UGT2B11: variants seen among roughly 807,000 people sequenced by gnomAD.
The protein encoded by UGT2B11 is UDP glucuronosyltransferase family 2 member B11.
A neutral mutation model predicts 51.7 loss-of-function variants in UGT2B11; 49 were observed. The observed-to-expected ratio is 0.95, with a 90% CI of 0.75 to 1.20. The LOEUF (loss-of-function observed/expected upper bound fraction) is 1.20, where lower values mean the gene tolerates loss of function less well. Ranked by LOEUF, UGT2B11 falls within the 50% of genes most tolerant of loss-of-function variation. The pLI, the probability that UGT2B11 is intolerant of heterozygous loss-of-function variation, is 0.00. For missense variants in UGT2B11, 810 were observed against 622.1 expected, an observed-to-expected ratio of 1.30 and a Z score of -3.21; for synonymous variants, 273 against 209.0, an observed-to-expected ratio of 1.31 and a Z score of -2.64.
At chr4:69,208,024 A>C (rs575090137) in intron 3 of UGT2B11, among the ~76,000 whole-genome samples, 7 of 151,758 alleles carry the variant, frequency 4.6e-5, no homozygotes, top group East Asian at 2.0e-4. Context: ...TAATTTCAGC[A>C]GTATGTATGA....
upstream of UGT2B11, chr4:69,216,099 A>C (rs535277952): frequency 6.6e-6 from 1 of 152,132 alleles, no homozygotes; most frequent in Non-Finnish European, 1.5e-5. Context: ...ACATACTGCC[A>C]GTTGTAAATG....
At chr4:69,217,075 A>T (rs1041231813), upstream of UGT2B11, among the ~76,000 whole-genome samples, 5 of 152,144 alleles carry the variant, frequency 3.3e-5, no homozygotes, top group African/African-American at 4.8e-5. Context: ...GTACAATTAC[A>T]GTTACTTTGC....
At chr4:69,216,680 A>G (rs1560543055), upstream of UGT2B11, 1 of 151,742 alleles carries the variant, frequency 6.6e-6, no homozygotes, top group Non-Finnish European at 1.5e-5. Flanking sequence ...CTAACTTGGT[A>G]CATATCAATA....
At chr4:69,206,178 T>C (rs1430127597) in intron 3 of UGT2B11, among the ~76,000 whole-genome samples, 1 of 151,462 alleles carries the variant, frequency 6.6e-6, no homozygotes, top group East Asian at 2.0e-4. Context: ...TGAAAATATA[T>C]GTTAGTTGCA....
At chr4:69,218,022 C>A (rs1462446180), upstream of UGT2B11, among the ~76,000 whole-genome samples, 1 of 152,124 alleles carries the variant, frequency 6.6e-6, no homozygotes, top group Non-Finnish European at 1.5e-5. Context: ...TCTGCTAATA[C>A]AGTCATTTTG....
chr4:69,214,174 G>A lies in UGT2B11; in HGVS notation c.549C>T (p.His183=), dbSNP rs1393783267. ...RFTPGYTIER[H]SGGLIFPPSY... ...AAGGAGGGAAAATCAGTCCTCCACT[G>A]TGCCTTTCAATTGTGTAGCCAGGAG... Residue 183 remains histidine, a synonymous_variant, in exon 1 of 6, where the codon CAC becomes CAT. Coordinates refer to ENST00000446444, the MANE Select transcript of UGT2B11 (RefSeq NM_001073.3). 6.2e-7 allele frequency: 1 copy of A among 1,612,802 alleles called. No homozygotes were observed. The highest frequency in any genetic ancestry group is 2.2e-5 in the East Asian group (1 of 44,788).
upstream of UGT2B11, chr4:69,214,976 T>C (rs1182323360): frequency 4.2e-6 from 2 of 471,866 alleles, no homozygotes; most frequent in Non-Finnish European, 7.1e-6. Flanking sequence ...AAGTACCCTG[T>C]TTTATGTAAC....
At chr4:69,224,703 T>A in the UGT2B11 span, among the ~76,000 whole-genome samples, 1 of 149,988 alleles carries the variant, frequency 6.7e-6, no homozygotes, top group Non-Finnish European at 1.5e-5. Context: ...AGATTTGGTG[T>A]GGCAGCAGCC....
chr4:69,203,660 G>A (rs1291671118), intron 5 of UGT2B11, among the ~76,000 whole-genome samples: 8 of 151,578 alleles, frequency 5.3e-5, no homozygotes, highest in Admixed American at 5.3e-4. Flanking sequence ...GAAAGGAAAT[G>A]AAGTATTATA....
chr4:69,223,400 C>A, the UGT2B11 span, among the ~76,000 whole-genome samples: 1 of 152,186 alleles, frequency 6.6e-6, no homozygotes, highest in African/African-American at 2.4e-5. Flanking sequence ...CTCATGGCCA[C>A]TTTTCCTGAG....
Position 69,204,620 on chromosome 4 carries a change from G to A in UGT2B11, c.1120C>T (p.His374Tyr). The A allele has an allele frequency of 3.7e-6, 6 of 1,611,902 alleles. 1 individual carries two copies. Among genetic ancestry groups the A allele is most frequent in the Non-Finnish European group, 5.1e-6 (6 of 1,178,654 alleles). The change falls in exon 5 of 6, where the codon CAT becomes TAT. Residue 374 changes from histidine (H) to tyrosine (Y), a missense_variant. Transcript: ENST00000446444. ...TCATAGATGCCATTGGCTCCACCAT[G>A]AGTTATAAAAGCTCTGGTTTTTGGA... ...GHPKTRAFIT[H>Y]GGANGIYEAI...
At position 69,213,851 on chromosome 4, in the gene UGT2B11, G is replaced by A. The variant is rs527299478; in HGVS notation, c.721+151C>T. 16 of 1,167,036 alleles carry A rather than the reference G, an allele frequency of 1.4e-5. No homozygotes were observed. The African/African-American group carries it at 1.7e-4, about 13-fold the overall frequency. The allele number at this position is 1,167,036 out of a possible 1,614,324, so 72.3% of individuals were successfully genotyped here. On this transcript the variant is annotated intron_variant, in intron 1 of 5. Coordinates refer to ENST00000446444, the MANE Select transcript of UGT2B11 (RefSeq NM_001073.3). ...CTTATAATTTAAGCTTTTCTATAATGTTTGTGAGATTGATAGATCATCTTG... is the reference window on the plus strand; with the variant it reads ...CTTATAATTTAAGCTTTTCTATAATATTTGTGAGATTGATAGATCATCTTG...
intron 2 of UGT2B11, among the ~76,000 whole-genome samples, chr4:69,209,067 T>G (rs2109948837): frequency 6.6e-6 from 1 of 151,730 alleles, no homozygotes; most frequent in South Asian, 2.1e-4. Flanking sequence ...CAGTAGTTTT[T>G]CAAAAAATAA....
intron 2 of UGT2B11, among the ~76,000 whole-genome samples, chr4:69,209,706 T>G (rs1395844003): frequency 6.6e-6 from 1 of 151,516 alleles, no homozygotes; most frequent in Admixed American, 6.6e-5. Context: ...GGCTTCTAGG[T>G]GTTGCGTGTG....
intron 5 of UGT2B11, among the ~76,000 whole-genome samples, chr4:69,203,471 C>T (rs1721734642): frequency 6.6e-6 from 1 of 151,678 alleles, no homozygotes; most frequent in Admixed American, 6.6e-5. Context: ...ATACAGTTCT[C>T]ACATGAGGCA....
upstream of UGT2B11, among the ~76,000 whole-genome samples, chr4:69,219,700 AT>A (rs1722363739): frequency 6.6e-6 from 1 of 151,842 alleles, no homozygotes; most frequent in Non-Finnish European, 1.5e-5. Context: ...TTATAAAACT[AT>A]AAGATCTCAA....
rs375210301 is a variant in UGT2B11 at position 69,200,597 on chromosome 4, A to G, written c.1433T>C (p.Val478Ala). 4 of 1,612,344 alleles carry G rather than the reference A, an allele frequency of 2.5e-6. No homozygotes were observed. The African/African-American group carries it at 5.4e-5, about 22-fold the overall frequency. Residue 478 changes from valine (V) to alanine (A), a missense_variant, in exon 6 of 6, where the codon GTT becomes GCT. Val to Ala is a moderately conservative substitution (Grantham distance 64). Transcript: ENST00000446444. The part of the protein sequence containing the change: ...MPHKGAKHLR[V>A]AAHDLTWFQY... ...GAACCAGGTGAGGTCATGGGCTGCA[A>G]CTCGAAGGTGTTTGGCTCCTTTGTG...
intron 2 of UGT2B11, chr4:69,210,972 T>C (rs1452202565): frequency 6.6e-6 from 1 of 151,618 alleles, no homozygotes; most frequent in East Asian, 1.9e-4. Context: ...TTTCTTCATA[T>C]TGAAACTAAG....
chr4:69,214,932 T>C (rs1353533745), upstream of UGT2B11: 3 of 757,710 alleles, frequency 4.0e-6, no homozygotes, highest in Non-Finnish European at 5.9e-6. Context: ...TATGTTTATA[T>C]TCACTGTCAT....
Sources: gnomAD v4.1 joint callset for allele counts (sites outside exome capture counted in the v4.1 genomes callset) on GRCh38, gnomAD v4.1.1 for gene constraint, MANE v1.5 for transcripts, NCBI Gene and HGNC (gene_info 2026-07-23, HGNC 2026-07-21) for gene names.